The following TMEM259 variants were observed in gnomAD, a reference collection of about 807,000 sequenced individuals.
TMEM259 encodes membralin.
In TMEM259, 26 loss-of-function variants were observed where a neutral mutation model predicts 46.7. The observed-to-expected ratio is 0.56, with a 90% CI of 0.41 to 0.77. The LOEUF is 0.77. TMEM259 is among the 30% of genes least tolerant of loss of function. The probability of loss-of-function intolerance (pLI) is 0.00; values close to 1 mark genes in which losing one functional copy is unlikely to be tolerated. For missense variants in TMEM259, 930 were observed against 900.5 expected, an observed-to-expected ratio of 1.03 and a Z score of -0.42; for synonymous variants, 494 against 395.1, an observed-to-expected ratio of 1.25 and a Z score of -2.97.
rs927159027 is a variant in TMEM259 at position 1,011,650 on chromosome 19, C to G, written c.1014G>C (p.Gln338His). ...CGATGGCCATGTTCATCTCCAGCAT[C>G]TGCAGCAGGTCCACTGCGGGCACAG... ...QIFVFIVDLL[Q>H]MLEMNMAIAF... Residue 338 changes from glutamine to histidine, a missense_variant, in exon 8 of 11, where the codon CAG becomes CAC. Transcript: ENST00000356663. The G allele has an allele frequency of 4.5e-6, 7 of 1,546,532 alleles. No homozygotes were observed. The Admixed American group carries it at 1.4e-4, about 30-fold the overall frequency.
chr19:1,013,885 A>G (rs1057277986), intron 2 of TMEM259, among the ~76,000 whole-genome samples: 1 of 151,946 alleles, frequency 6.6e-6, no homozygotes, highest in African/African-American at 2.4e-5. Flanking sequence ...TGCCCACTGC[A>G]TCCCCAGCCC....
chr19:1,013,033 G>C (rs2038989757), intron 3 of TMEM259, among the ~76,000 whole-genome samples: 1 of 152,190 alleles, frequency 6.6e-6, no homozygotes, highest in Non-Finnish European at 1.5e-5. Context: ...TCCCAGAAAG[G>C]ATGAGCTGAG....
chr19:1,011,256 G>A (rs2038907673), intron 9 of TMEM259, 61 bp from the exon 10 acceptor site: 1 of 1,544,640 alleles, frequency 6.5e-7, no homozygotes, highest in African/African-American at 1.4e-5. Flanking sequence ...CCAGCCCCTG[G>A]GGTTCCCGCG....
At chr19:1,018,638 A>T (rs990153015) in intron 1 of TMEM259, among the ~76,000 whole-genome samples, 1 of 152,228 alleles carries the variant, frequency 6.6e-6, no homozygotes, top group African/African-American at 2.4e-5. Flanking sequence ...TGAAGGCAGC[A>T]GGGTCAGATT....
At position 1,009,703 on chromosome 19, in the gene TMEM259, CA is replaced by C; in HGVS notation, c.*646del. The C allele has an allele frequency of 2.0e-6, 2 of 998,284 alleles. No individual in the cohort carries two copies. Among genetic ancestry groups the C allele is most frequent in the Non-Finnish European group, 2.7e-6 (2 of 744,050 alleles). The allele number at this position is 998,284 out of a possible 1,614,324, so 61.8% of individuals were successfully genotyped here. A position where few individuals can be genotyped will look rare whatever the true frequency, so the allele number is the denominator to read the frequency against. On this transcript the variant is annotated 3_prime_UTR_variant, in exon 11 of 11. Coordinates refer to ENST00000356663, the MANE Select transcript of TMEM259 (RefSeq NM_001033026.2). ...TATACAAACACAATTTTGTACACTG[CA>C]ATTAAATAGAATGGAATGAGCGCTC...
intron 1 of TMEM259, among the ~76,000 whole-genome samples, chr19:1,014,846 A>T (rs2039057473): frequency 6.6e-6 from 1 of 151,904 alleles, no homozygotes; most frequent in African/African-American, 2.4e-5. Context: ...TGCACACAGG[A>T]CCCCCCAAAC....
At chr19:1,013,460 G>T in intron 2 of TMEM259, 120 bp from the exon 3 acceptor site, 1 of 992,450 alleles carries the variant, frequency 1.0e-6, no homozygotes, top group Non-Finnish European at 1.5e-6. Context: ...CCCCACCACT[G>T]ACCAGGCCAG....
intron 2 of TMEM259, chr19:1,013,623 T>A (rs2039011362): frequency 2.6e-6 from 1 of 388,052 alleles, no homozygotes; most frequent in Admixed American, 4.0e-5. Flanking sequence ...TCCATGATGC[T>A]CTGCCCAAAC....
At chr19:1,012,639 C>G (rs1347164674) in intron 3 of TMEM259, 66 bp from the exon 4 acceptor site, 2 of 1,525,678 alleles carry the variant, frequency 1.3e-6, no homozygotes, top group Non-Finnish European at 1.8e-6. Flanking sequence ...TGCCAGCAGG[C>G]AAGGCAGGCG....
rs1392432134 is a variant in TMEM259 at position 1,020,293 on chromosome 19, C to A, written c.225+479G>T. Among the ~76,000 whole-genome samples, 1 of 151,778 alleles carries A rather than the reference C, an allele frequency of 6.6e-6. No homozygotes were observed. The highest frequency in any genetic ancestry group is 1.5e-5 in the Non-Finnish European group (1 of 67,946). On this transcript the variant is annotated intron_variant, in intron 1 of 10. Coordinates refer to ENST00000356663, the MANE Select transcript of TMEM259 (RefSeq NM_001033026.2). The surrounding 1 kb of genome is among the most constrained non-coding windows in gnomAD (Gnocchi z 4.0). ...CAGGGGTTGGTCCGAGGGAGACCTG[C>A]GTCAGGCTGGGTTCTGGGCCAGCAC...
Position 1,020,481 on chromosome 19 carries a change from G to A in TMEM259, c.225+291C>T, listed in dbSNP as rs1473704322. Among the ~76,000 whole-genome samples, 18 of 151,104 alleles carry A rather than the reference G, an allele frequency of 1.2e-4. No homozygotes were observed. The highest frequency in any genetic ancestry group is 1.8e-4 in the Non-Finnish European group (12 of 67,746). On this transcript the variant is annotated intron_variant, in intron 1 of 10. Coordinates refer to ENST00000356663, the MANE Select transcript of TMEM259 (RefSeq NM_001033026.2). The surrounding 1 kb of genome is among the most constrained non-coding windows in gnomAD (Gnocchi z 4.0). ...GGGGACAGGATGGGCCCTGGAGGGA[G>A]CTGACAGTGAGGTTTCCAGAGTAGA...
chr19:1,012,405 C>G (rs532250254), intron 4 of TMEM259, 58 bp downstream of exon 4: 2 of 1,532,792 alleles, frequency 1.3e-6, no homozygotes, highest in Non-Finnish European at 1.8e-6. Context: ...GGAGGAGACC[C>G]GAGGGAGGAG....
chr19:1,017,338 G>A (rs1198474994), intron 1 of TMEM259: 6 of 399,264 alleles, frequency 1.5e-5, no homozygotes, highest in African/African-American at 8.2e-5. Flanking sequence ...TCAGCCACTC[G>A]CATGCCCTGG....
rs1568402776 is a variant in TMEM259, at chr19:1,012,539, T to TG, written c.641dup (p.Leu215ThrfsTer44). 1 of 1,599,506 alleles carries TG rather than the reference T, an allele frequency of 6.3e-7. No individual in the cohort carries two copies. Among genetic ancestry groups the TG allele is most frequent in the Non-Finnish European group, 8.5e-7 (1 of 1,174,180 alleles). Reference sequence around the variant, plus strand: ...ACAGGCGAAGGAAGCCATACTCTAGTGAGTACTCCACGATGTACTCGTCCT... The same window carrying TG: ...ACAGGCGAAGGAAGCCATACTCTAGTGGAGTACTCCACGATGTACTCGTCCT... On this transcript the variant is annotated frameshift_variant, in exon 4 of 11. Coordinates refer to ENST00000356663, the MANE Select transcript of TMEM259 (RefSeq NM_001033026.2). LOFTEE classifies it high-confidence loss of function.
Position 1,010,059 on chromosome 19 carries a change from C to T in TMEM259, c.*291G>A. The T allele has an allele frequency of 2.4e-6, 1 of 421,720 alleles. No individual in the cohort carries two copies. The allele number at this position is 421,720 out of a possible 1,614,324, so 26.1% of individuals were successfully genotyped here. A position where few individuals can be genotyped will look rare whatever the true frequency, so the allele number is the denominator to read the frequency against. ...GCACCATGGGACCCCACTCCATCCT[C>T]AGGACGGTTCACTGCAGACCTACCA... is the stretch of plus-strand genomic sequence containing the variant. On this transcript the variant is annotated 3_prime_UTR_variant, in exon 11 of 11. Transcript: ENST00000356663.
rs777847759 is a variant in TMEM259 at position 1,011,177 on chromosome 19, G to A, written c.1236C>T (p.His412=). Reference sequence around the variant, plus strand: ...GGTAGTGATAGGCATAGAAGGCGAAGTGGTAGAGATAGAAGAACCTGCGGG... The same window carrying A: ...GGTAGTGATAGGCATAGAAGGCGAAATGGTAGAGATAGAAGAACCTGCGGG... ...RHWLRFFYLY[H]FAFYAYHYRF... The change falls in exon 10 of 11, where the codon CAC becomes CAT. Residue 412 remains histidine (H), a synonymous_variant. Coordinates refer to ENST00000356663, the MANE Select transcript of TMEM259 (RefSeq NM_001033026.2). The A allele has an allele frequency of 6.2e-7, 1 of 1,601,308 alleles. No individual in the cohort carries two copies. The highest frequency in any genetic ancestry group is 8.5e-7 in the Non-Finnish European group (1 of 1,173,714).
chr19:1,011,321 C>T, intron 9 of TMEM259, 46 bp downstream of exon 9: 1 of 1,549,210 alleles, frequency 6.5e-7, no homozygotes, highest in Non-Finnish European at 8.7e-7. Context: ...GCCCCCTACC[C>T]CTGCCCACCA....
rs1305611369 is a variant in TMEM259 at position 1,011,378 on chromosome 19, C to A, written c.1206G>T (p.Arg402=). ...CGCGCCACGCTCACCGCAGCCAATG[C>A]CGCTTGCTGGTGCTGGTGTGGCAGC... is the stretch of plus-strand genomic sequence containing the variant. ...AICCHTSTSK[R]HWLRFFYLYH... is the part of the protein sequence containing the mutation. Residue 402 remains arginine (R), a synonymous_variant, in exon 9 of 11, where the codon CGG becomes CGT. Transcript: ENST00000356663. 6.4e-7 allele frequency: 1 copy of A among 1,572,316 alleles called. No individual in the cohort carries two copies. Among genetic ancestry groups the A allele is most frequent in the Non-Finnish European group, 8.6e-7 (1 of 1,160,720 alleles).
At position 1,020,241 on chromosome 19, in the gene TMEM259, A is replaced by G. The variant is rs934097213; in HGVS notation, c.225+531T>C. On this transcript the variant is annotated intron_variant, in intron 1 of 10. Coordinates refer to ENST00000356663, the MANE Select transcript of TMEM259 (RefSeq NM_001033026.2). This position sits in a 1 kb window ranked among gnomAD's most constrained non-coding sequence, Gnocchi z 4.0. Reference sequence around the variant, plus strand: ...GCTGAAAGGCTACAAGGAGGGAGAGAGGGGAGTGGGGAGTCGACTTCCAGG... The same window carrying G: ...GCTGAAAGGCTACAAGGAGGGAGAGGGGGGAGTGGGGAGTCGACTTCCAGG... Among the ~76,000 whole-genome samples, 2 of 151,158 alleles carry G rather than the reference A, an allele frequency of 1.3e-5. No homozygotes were observed. The highest frequency in any genetic ancestry group is 2.4e-5 in the African/African-American group (1 of 40,936).
Sources: allele counts gnomAD v4.1 joint callset (sites outside exome capture counted in the v4.1 genomes callset), GRCh38; gene constraint gnomAD v4.1.1; non-coding constraint Gnocchi (gnomAD v3.1); transcripts MANE v1.5; gene names NCBI Gene and HGNC (gene_info 2026-07-23, HGNC 2026-07-21).